CREM: variants seen among roughly 807,000 people sequenced by gnomAD.
The protein encoded by CREM is cAMP-responsive element modulator.
In CREM, 13 loss-of-function variants were observed where a neutral mutation model predicts 37.3. The observed-to-expected ratio is 0.35, with a 90% confidence interval of 0.23 to 0.55. The LOEUF is 0.55. Ranked by LOEUF, CREM falls within the 20% of genes least tolerant of loss-of-function variation. The pLI, the probability that CREM is intolerant of heterozygous loss-of-function variation, is 0.88. For synonymous variants in CREM, 124 were observed against 120.2 expected, an observed-to-expected ratio of 1.03 and a Z score of -0.21; for missense variants, 296 against 362.3, an observed-to-expected ratio of 0.82 and a Z score of 1.49.
At chr10:35,171,889 AG>A (rs1389207212) in intron 3 of CREM, among the ~76,000 whole-genome samples, 1 of 152,226 alleles carries the variant, frequency 6.6e-6, no homozygotes, top group African/African-American at 2.4e-5. Context: ...TCCACCACCC[AG>A]CTATGTGACT....
At chr10:35,208,652 G>A (rs1180290293) in intron 7 of CREM, among the ~76,000 whole-genome samples, 5 of 152,140 alleles carry the variant, frequency 3.3e-5, no homozygotes, top group African/African-American at 1.2e-4. Flanking sequence ...TGATCACAGC[G>A]CGGCTACTGA....
At chr10:35,163,029 TA>T (rs1564847278) in intron 3 of CREM, among the ~76,000 whole-genome samples, 1 of 149,116 alleles carries the variant, frequency 6.7e-6, no homozygotes, top group South Asian at 2.1e-4. Flanking sequence ...TGGGTCAAGG[TA>T]AGACTCCATC....
chr10:35,155,862 C>G (rs1480952098), intron 3 of CREM, among the ~76,000 whole-genome samples: 2 of 151,600 alleles, frequency 1.3e-5, no homozygotes, highest in Non-Finnish European at 2.9e-5. Context: ...ATCTCCTGAC[C>G]TTGTGATCCA....
intron 3 of CREM, among the ~76,000 whole-genome samples, chr10:35,157,244 C>T (rs967749996): frequency 6.6e-6 from 1 of 151,404 alleles, no homozygotes; most frequent in African/African-American, 2.4e-5. Context: ...GGATGTACCT[C>T]AGTGCAACAA....
chr10:35,134,702 A>G (rs917924259), intron 1 of CREM, among the ~76,000 whole-genome samples: 3 of 152,202 alleles, frequency 2.0e-5, no homozygotes, highest in Non-Finnish European at 4.4e-5. Context: ...CATATTTTAA[A>G]TATCATTTGT....
At chr10:35,147,152 G>A (rs181299992) in intron 2 of CREM, among the ~76,000 whole-genome samples, 1 of 145,736 alleles carries the variant, frequency 6.9e-6, no homozygotes, top group Non-Finnish European at 1.5e-5. Context: ...CTGGGTTCAC[G>A]CCATTCTCCT....
At chr10:35,183,800 C>T (rs1421575860) in intron 5 of CREM, among the ~76,000 whole-genome samples, 3 of 152,196 alleles carry the variant, frequency 2.0e-5, no homozygotes, top group East Asian at 1.9e-4. Context: ...ATGGGCCGGG[C>T]GTGATGGTTC....
intron 7 of CREM, among the ~76,000 whole-genome samples, chr10:35,207,797 A>T (rs1269755331): frequency 1.3e-5 from 2 of 152,240 alleles, no homozygotes; most frequent in East Asian, 3.9e-4. Flanking sequence ...CAGTTTTCAT[A>T]AGCCATTTCT....
At chr10:35,189,299 C>CT (rs1311970665) in intron 6 of CREM, among the ~76,000 whole-genome samples, 5 of 151,740 alleles carry the variant, frequency 3.3e-5, no homozygotes, top group Admixed American at 3.3e-4. Flanking sequence ...TAGCCCTAAG[C>CT]TTTTAGGGTT....
At chr10:35,209,708 A>G (rs1048668575) in intron 7 of CREM, among the ~76,000 whole-genome samples, 3 of 152,240 alleles carry the variant, frequency 2.0e-5, no homozygotes, top group African/African-American at 7.2e-5. Context: ...ATATAATTTA[A>G]TCATGAAAAC....
intron 6 of CREM, chr10:35,195,971 A>G (rs1324182988): frequency 4.3e-6 from 6 of 1,406,808 alleles, no homozygotes; most frequent in Non-Finnish European, 6.0e-6. Flanking sequence ...TGCCTTTTAG[A>G]CTGAATAGCT....
intron 3 of CREM, chr10:35,175,779 G>A: frequency 1.2e-6 from 2 of 1,613,798 alleles, no homozygotes; most frequent in South Asian, 2.2e-5. Context: ...TTAGTGAGTG[G>A]TATTACTTAA....
chr10:35,197,689 C>T (rs2095250521), intron 6 of CREM, among the ~76,000 whole-genome samples: 1 of 152,166 alleles, frequency 6.6e-6, no homozygotes, highest in Admixed American at 6.5e-5. Context: ...GATCTCCTGA[C>T]CTCGTGATCC....
At chr10:35,157,365 T>C (rs2092978806) in intron 3 of CREM, among the ~76,000 whole-genome samples, 1 of 152,102 alleles carries the variant, frequency 6.6e-6, no homozygotes, top group African/African-American at 2.4e-5. Flanking sequence ...GTGTGGTGGC[T>C]CACACCTGTA....
At chr10:35,139,783 T>C (rs1277144260) in intron 2 of CREM, among the ~76,000 whole-genome samples, 1 of 152,252 alleles carries the variant, frequency 6.6e-6, no homozygotes, top group African/African-American at 2.4e-5. Context: ...ATAAATTATA[T>C]AGTGAATAAT....
In CREM at chr10:35,192,549, A is replaced by G. The variant is rs80323855; in HGVS notation, c.598+4161A>G. On this transcript the variant is annotated intron_variant, in intron 6 of 7. Transcript: ENST00000685392. ...TTTTTAGTAGAGACGGGGTTACACCATGTTGGCCAGGCTGGTCTTGAACTC... is the reference window on the plus strand; with the variant it reads ...TTTTTAGTAGAGACGGGGTTACACCGTGTTGGCCAGGCTGGTCTTGAACTC... 8.4e-4 allele frequency among the ~76,000 whole-genome samples: 128 copies of G among 152,056 alleles called. 2 individuals are homozygous for G. Among genetic ancestry groups the G allele is most frequent in the African/African-American group, 2.9e-3 (121 of 41,464 alleles).
intron 2 of CREM, among the ~76,000 whole-genome samples, chr10:35,142,584 G>T (rs767990154): frequency 1.4e-4 from 21 of 152,262 alleles, no homozygotes; most frequent in African/African-American, 5.1e-4. Flanking sequence ...CCCATTTGAG[G>T]TTGAAAACCA....
intron 2 of CREM, among the ~76,000 whole-genome samples, chr10:35,144,715 G>GT (rs2091861700): frequency 1.3e-5 from 2 of 150,642 alleles, no homozygotes; most frequent in South Asian, 4.2e-4. Context: ...GGCCTGAATA[G>GT]TTTATCTTTT....
chr10:35,146,125 A>G (rs1489181166), intron 2 of CREM, among the ~76,000 whole-genome samples: 1 of 152,248 alleles, frequency 6.6e-6, no homozygotes, highest in Non-Finnish European at 1.5e-5. Context: ...GAATGTTTCT[A>G]GAATGAAATA....
Sources: allele counts gnomAD v4.1 joint callset (sites outside exome capture counted in the v4.1 genomes callset), GRCh38; gene constraint gnomAD v4.1.1; transcripts MANE v1.5; gene names NCBI Gene and HGNC (gene_info 2026-07-23, HGNC 2026-07-21).